SLC35F1: variants seen among roughly 807,000 people sequenced by gnomAD.
SLC35F1 encodes chromosome 6 open reading frame 169.
A neutral mutation model predicts 48.7 loss-of-function variants in SLC35F1; 14 were observed. That is an observed-to-expected ratio of 0.29 (90% CI 0.19 to 0.45). The LOEUF (loss-of-function observed/expected upper bound fraction) is 0.45. Among genes scored for constraint, SLC35F1 ranks in the 20% least tolerant of loss-of-function variants. The probability of loss-of-function intolerance (pLI) is 1.00; values close to 1 mark genes in which losing one functional copy is unlikely to be tolerated. For synonymous variants in SLC35F1, 190 were observed against 202.2 expected (o/e 0.94, Z 0.51); for missense variants, 404 against 500.0 (o/e 0.81, Z 1.83).
At chr6:118,066,305 T>C (rs1772612720) in intron 1 of SLC35F1, among the ~76,000 whole-genome samples, 1 of 152,196 alleles carries the variant, frequency 6.6e-6, no homozygotes, top group South Asian at 2.1e-4. Context: ...ATAAAATGTC[T>C]AAGATAAAAG....
chr6:118,012,416 A>T (rs115407332), intron 1 of SLC35F1, among the ~76,000 whole-genome samples: 2,202 of 152,044 alleles, frequency 0.014, 48 homozygotes, highest in African/African-American at 0.051. Context: ...AGCAGGAAGG[A>T]TCAGCAAGCT....
At chr6:118,096,137 A>G (rs1773173029) in intron 1 of SLC35F1, among the ~76,000 whole-genome samples, 1 of 152,222 alleles carries the variant, frequency 6.6e-6, no homozygotes, top group African/African-American at 2.4e-5. Context: ...TTGGATCCCA[A>G]TCTCAACCCT....
intron 2 of SLC35F1, among the ~76,000 whole-genome samples, chr6:118,195,162 A>G (rs770966032): frequency 1.3e-5 from 2 of 152,166 alleles, no homozygotes; most frequent in African/African-American, 4.8e-5. Context: ...CTCTAACCCA[A>G]ACTTATCCTT....
At chr6:118,113,074 T>A (rs1773431562) in intron 1 of SLC35F1, among the ~76,000 whole-genome samples, 1 of 152,110 alleles carries the variant, frequency 6.6e-6, no homozygotes, top group Non-Finnish European at 1.5e-5. Flanking sequence ...GGATGACATT[T>A]AAAAAAATTT....
intron 2 of SLC35F1, among the ~76,000 whole-genome samples, chr6:118,221,958 T>C (rs1383483158): frequency 2.8e-5 from 3 of 107,674 alleles, no homozygotes; most frequent in Admixed American, 1.2e-4. Flanking sequence ...TACATATATG[T>C]ATACAATTTT....
intron 2 of SLC35F1, among the ~76,000 whole-genome samples, chr6:118,172,162 A>G (rs1309833660): frequency 1.5e-5 from 2 of 133,796 alleles, no homozygotes; most frequent in Non-Finnish European, 3.4e-5. Context: ...ACCTCCATTC[A>G]AAAAAAAAAA....
intron 1 of SLC35F1, among the ~76,000 whole-genome samples, chr6:118,017,382 G>A (rs1051607414): frequency 1.3e-5 from 2 of 152,194 alleles, no homozygotes; most frequent in Admixed American, 6.5e-5. Context: ...GGCAAGCCAA[G>A]GTGGCTGCTC....
At chr6:118,266,084 G>A (rs566368646) in intron 3 of SLC35F1, among the ~76,000 whole-genome samples, 45 of 152,248 alleles carry the variant, frequency 3.0e-4, no homozygotes, top group African/African-American at 9.4e-4. Flanking sequence ...TGATCTTTGG[G>A]GAAAGTTGTT....
intron 7 of SLC35F1, among the ~76,000 whole-genome samples, chr6:118,286,805 T>TTTG (rs1562351396): frequency 0.016 from 2,322 of 144,012 alleles, 57 homozygotes; most frequent in African/African-American, 0.049. Context: ...GTGTGTGTGT[T>TTTG]TGTGTGTGTG....
At chr6:118,158,640 G>A (rs1019748864) in intron 2 of SLC35F1, among the ~76,000 whole-genome samples, 2 of 152,314 alleles carry the variant, frequency 1.3e-5, no homozygotes, top group Middle Eastern at 3.4e-3. Context: ...TAAGGGTGAG[G>A]TTATTATGAA....
intron 1 of SLC35F1, among the ~76,000 whole-genome samples, chr6:118,117,630 G>C (rs777882099): frequency 6.6e-6 from 1 of 151,926 alleles, no homozygotes; most frequent in Non-Finnish European, 1.5e-5. Context: ...TAAATGTATG[G>C]TTTGATGAAT....
intron 1 of SLC35F1, among the ~76,000 whole-genome samples, chr6:117,980,125 C>T (rs1776757918): frequency 6.6e-6 from 1 of 152,114 alleles, no homozygotes. Flanking sequence ...TGTAAGATTG[C>T]AGACTCTGTT....
At chr6:118,025,046 T>C (rs1286335879) in intron 1 of SLC35F1, among the ~76,000 whole-genome samples, 2 of 152,220 alleles carry the variant, frequency 1.3e-5, no homozygotes, top group South Asian at 2.1e-4. Context: ...ACATCCTACA[T>C]GAGTACAATT....
At chr6:117,918,646 T>A (rs888570737) in intron 1 of SLC35F1, among the ~76,000 whole-genome samples, 1 of 152,158 alleles carries the variant, frequency 6.6e-6, no homozygotes, top group African/African-American at 2.4e-5. Flanking sequence ...AGAAGTGTTA[T>A]GTGTAAAGTT....
At chr6:118,043,423 CTT>C (rs372396768) in intron 1 of SLC35F1, among the ~76,000 whole-genome samples, 1 of 143,866 alleles carries the variant, frequency 7.0e-6, no homozygotes. Flanking sequence ...CTTAAATGGA[CTT>C]TTTTTTTTTG....
chr6:118,049,061 A>G (rs986791648), intron 1 of SLC35F1, among the ~76,000 whole-genome samples: 10 of 152,142 alleles, frequency 6.6e-5, no homozygotes, highest in South Asian at 2.1e-4. Context: ...ATAATGCCGC[A>G]TATCTACAAC....
intron 7 of SLC35F1, among the ~76,000 whole-genome samples, chr6:118,313,233 C>T (rs890801098): frequency 1.3e-5 from 2 of 152,176 alleles, no homozygotes; most frequent in African/African-American, 4.8e-5. Flanking sequence ...TACTCTTTCC[C>T]CAGTAACTAC....
At chr6:118,204,416 G>A (rs941867216) in intron 2 of SLC35F1, among the ~76,000 whole-genome samples, 1 of 152,166 alleles carries the variant, frequency 6.6e-6, no homozygotes, top group African/African-American at 2.4e-5. Context: ...TTTGGGGAAG[G>A]TTATGATCAA....
chr6:118,091,945 A>G (rs575057929), intron 1 of SLC35F1, among the ~76,000 whole-genome samples: 1 of 152,302 alleles, frequency 6.6e-6, no homozygotes, highest in African/African-American at 2.4e-5. Context: ...GATCTGTGGA[A>G]CTTTGAACTT....
Sources: allele counts gnomAD v4.1 joint callset (sites outside exome capture counted in the v4.1 genomes callset), GRCh38; gene constraint gnomAD v4.1.1; transcripts MANE v1.5; gene names NCBI Gene and HGNC (gene_info 2026-07-23, HGNC 2026-07-21).